EVPL: variants seen among roughly 807,000 people sequenced by gnomAD.
EVPL encodes envoplakin.
In EVPL, 94 loss-of-function variants were observed where a neutral mutation model predicts 129.7. The observed-to-expected ratio is 0.72, with a 90% CI of 0.61 to 0.86. The LOEUF is 0.86. EVPL is among the 40% of genes least tolerant of loss of function. The probability of loss-of-function intolerance (pLI) is 0.00; values close to 1 mark genes in which losing one functional copy is unlikely to be tolerated. For synonymous variants in EVPL, 1,172 were observed against 1,191.1 expected, an observed-to-expected ratio of 0.98 and a Z score of 0.33; for missense variants, 2,625 against 2,721.1, an observed-to-expected ratio of 0.96 and a Z score of 0.79.
rs1420257502 is a variant in EVPL at position 76,017,776 on chromosome 17, G to A, written c.1673C>T (p.Pro558Leu). The A allele has an allele frequency of 1.9e-6, 3 of 1,613,034 alleles. No homozygotes were observed. Among genetic ancestry groups the A allele is most frequent in the Admixed American group, 1.7e-5 (1 of 60,004 alleles). ...GATGCGGCCCTCCAAGTCCTCCAAG[G>A]GTGTGGGGCGGCTCAGCGGGGCCCG... ...WARAPLSRPT[P>L]LEDLEGRIHS... The change falls in exon 14 of 22, where the codon CCC (proline) becomes CTC (leucine). Residue 558 changes from proline (P) to leucine (L), a missense_variant. Pro to Leu is a moderately conservative substitution (Grantham distance 98). Transcript: ENST00000301607.
chr17:76,009,269 C>G lies in EVPL; in HGVS notation c.3936G>C (p.Thr1312=), dbSNP rs1271503909. The G allele has an allele frequency of 6.2e-7, 1 of 1,607,850 alleles. No homozygotes were observed. The highest frequency in any genetic ancestry group is 8.5e-7 in the Non-Finnish European group (1 of 1,179,926). Residue 1312 remains threonine, a synonymous_variant, in exon 22 of 22, where the codon ACG becomes ACC. Transcript: ENST00000301607. This position sits in a 1 kb window ranked among gnomAD's most constrained non-coding sequence, Gnocchi z 5.9. ...RRERAKVETK[T]VSKEVVRHEK... is the part of the protein sequence containing the mutation. The stretch of plus-strand genomic sequence containing the variant: ...CGTGGCGCACCACCTCCTTGCTCAC[C>G]GTCTTGGTCTCCACCTTGGCCCGCT...
At position 76,008,523 on chromosome 17, in the gene EVPL, C is replaced by T. The variant is rs146378151; in HGVS notation, c.4682G>A (p.Arg1561Gln). The change falls in exon 22 of 22, where the codon CGG (arginine) becomes CAG (glutamine). Residue 1561 changes from arginine to glutamine, a missense_variant. Coordinates refer to ENST00000301607, the MANE Select transcript of EVPL (RefSeq NM_001988.4). The surrounding 1 kb of genome is among the most constrained non-coding windows in gnomAD (Gnocchi z 7.4). ...QAREEEARRL[R>Q]ERIDRAETLG... ...CGTCTCGGCCCGGTCAATGCGCTCCCGCAGGCGCCGTGCCTCCTCCTCCCG... is the reference window on the plus strand; with the variant it reads ...CGTCTCGGCCCGGTCAATGCGCTCCTGCAGGCGCCGTGCCTCCTCCTCCCG... 3.0e-4 allele frequency: 474 copies of T among 1,606,166 alleles called. 1 individual carries two copies. In the African/African-American group the frequency reaches 5.5e-3, roughly 19 times the overall value.
At chr17:76,020,356 G>A (rs776606734) in intron 9 of EVPL, among the ~76,000 whole-genome samples, 3 of 152,052 alleles carry the variant, frequency 2.0e-5, no homozygotes, top group Non-Finnish European at 4.4e-5. Flanking sequence ...CTTGGTCTTC[G>A]TCCTTCCTGC....
chr17:76,020,660 T>C (rs367639273), intron 9 of EVPL, among the ~76,000 whole-genome samples: 1 of 152,012 alleles, frequency 6.6e-6, no homozygotes, highest in Non-Finnish European at 1.5e-5. Flanking sequence ...TTAAGAAATA[T>C]TTTATTTAAT....
rs375561600 is a variant in EVPL at position 76,007,119 on chromosome 17, G to A, written c.6086C>T (p.Pro2029Leu). The A allele has an allele frequency of 7.3e-5, 108 of 1,482,232 alleles. No homozygotes were observed. Among genetic ancestry groups the A allele is most frequent in the Non-Finnish European group, 9.1e-5 (102 of 1,116,158 alleles). The allele number at this position is 1,482,232 out of a possible 1,614,324, so 91.8% of individuals were successfully genotyped here. A position where few individuals can be genotyped will look rare whatever the true frequency, so the allele number is the denominator to read the frequency against. Residue 2029 changes from proline to leucine, a missense_variant, in exon 22 of 22, where the codon CCG (proline) becomes CTG (leucine). This residue lies in a region of EVPL where 1,453 missense variants were observed against 1,511.8 expected (regional missense o/e 0.96). Transcript: ENST00000301607. This position sits in a 1 kb window ranked among gnomAD's most constrained non-coding sequence, Gnocchi z 8.8. Reference protein sequence around the residue: ...RCYRSASPTVPRSLR With the variant: ...RCYRSASPTVLRSLR ...TGGCCCGTGTCAGCGAAGGGAGCGC[G>A]GGACGGTGGGGGAGGCGGAGCGGTA...
intron 9 of EVPL, among the ~76,000 whole-genome samples, chr17:76,020,026 C>G (rs2066446784): frequency 6.6e-6 from 1 of 151,972 alleles, no homozygotes; most frequent in Non-Finnish European, 1.5e-5. Context: ...CCAGCTAAAC[C>G]TAAACCAGCT....
rs746311254 is a variant in EVPL at position 76,021,742 on chromosome 17, C to T, written c.847G>A (p.Val283Met). 8 of 1,610,036 alleles carry T rather than the reference C, an allele frequency of 5.0e-6. No homozygotes were observed. The Admixed American group carries it at 6.7e-5, about 13-fold the overall frequency. ...QHELLSQEQS[V>M]NQLEDDGERM... Reference sequence around the variant, plus strand: ...TCGCCGTCGTCCTCCAGCTGGTTCACGCTCTGCTCCTGGCTCAGCAGCTCG... The same window carrying T: ...TCGCCGTCGTCCTCCAGCTGGTTCATGCTCTGCTCCTGGCTCAGCAGCTCG... Residue 283 changes from valine (V) to methionine (M), a missense_variant, in exon 8 of 22, where the codon GTG becomes ATG. Val to Met is a conservative substitution (Grantham distance 21). Transcript: ENST00000301607.
chr17:76,026,242 A>ATT lies in EVPL; in HGVS notation c.98+857_98+858dup, dbSNP rs61017516. Among the ~76,000 whole-genome samples, 238 of 130,194 alleles carry ATT rather than the reference A, an allele frequency of 1.8e-3. 1 individual carries two copies. The highest frequency in any genetic ancestry group is 6.7e-3 in the African/African-American group (229 of 33,944). 85.4% of individuals were successfully genotyped at this position (130,194 alleles called of 152,430 possible). On this transcript the variant is annotated intron_variant, in intron 1 of 21. Transcript: ENST00000301607. ...TGCAGGCGTGAGGTATTGCGCCAGG[A>ATT]TTTTTTTTTTTTTTTTTTTTAAGAC...
chr17:76,022,047 G>T lies in EVPL; in HGVS notation c.646-19C>A. ...CCGCCTTCTGTGCTCAGGACCCGCC[G>T]CCAGCAGCAGGGTGGGGAGACAGAA... On this transcript the variant is annotated intron_variant, in intron 6 of 21. Coordinates refer to ENST00000301607, the MANE Select transcript of EVPL (RefSeq NM_001988.4). This position sits in a 1 kb window ranked among gnomAD's most constrained non-coding sequence, Gnocchi z 5.6. The T allele has an allele frequency of 6.4e-7, 1 of 1,552,384 alleles. No homozygotes were observed. The highest frequency in any genetic ancestry group is 2.3e-5 in the East Asian group (1 of 43,358).
intron 14 of EVPL, among the ~76,000 whole-genome samples, chr17:76,015,851 C>T (rs1056438270): frequency 3.3e-5 from 5 of 152,112 alleles, no homozygotes; most frequent in African/African-American, 1.2e-4. Context: ...TACAAAATGA[C>T]TGATAGGAGG....
rs770291858 is a variant in EVPL, at chr17:76,015,613, G to A, written c.1726C>T (p.Leu576=). ...TCCTTCTCCGTTCCCAGGCTCTGCA[G>A]GCGCTGGGCTGTGCCCTAAAGAGGG... The part of the protein sequence containing the change: ...IHSHEGTAQR[L]QSLGTEKETA... The change falls in exon 15 of 22, where the codon CTG becomes TTG. Residue 576 remains leucine (L), a synonymous_variant. Coordinates refer to ENST00000301607, the MANE Select transcript of EVPL (RefSeq NM_001988.4). 1 of 1,613,156 alleles carries A rather than the reference G, an allele frequency of 6.2e-7. No homozygotes were observed. Among genetic ancestry groups the A allele is most frequent in the Non-Finnish European group, 8.5e-7 (1 of 1,179,816 alleles).
chr17:76,027,306 C>A lies in EVPL; in HGVS notation c.-108G>T. 1 of 808,118 alleles carries A rather than the reference C, an allele frequency of 1.2e-6. No homozygotes were observed. Among genetic ancestry groups the A allele is most frequent in the Non-Finnish European group, 2.1e-6 (1 of 474,936 alleles). 50.1% of individuals were successfully genotyped at this position (808,118 alleles called of 1,614,324 possible). ...TCACTGGCTGGTCAGCTAAGTCTGGCGAGGTGGGGCGGCTGGGCACTGGGG... is the reference window on the plus strand; with the variant it reads ...TCACTGGCTGGTCAGCTAAGTCTGGAGAGGTGGGGCGGCTGGGCACTGGGG... On this transcript the variant is annotated 5_prime_UTR_variant, in exon 1 of 22. Transcript: ENST00000301607.
chr17:76,023,191 C>A (rs114605003), intron 4 of EVPL, 101 bp downstream of exon 4: 77 of 1,562,456 alleles, frequency 4.9e-5, no homozygotes, highest in African/African-American at 4.0e-4. Flanking sequence ...CCCTGAGCCA[C>A]CCCTACACCC....
In EVPL at chr17:76,007,942, A is replaced by AG; in HGVS notation, c.5262dup (p.Cys1755LeufsTer6). ...TACTCCTCCTTAGAGATGCGCCGGC[A>AG]GCGGAGGGCGGCCTCGATGGAGTAC... On this transcript the variant is annotated frameshift_variant, in exon 22 of 22. Transcript: ENST00000301607. LOFTEE classifies it low-confidence loss of function (END_TRUNC). The surrounding 1 kb of genome is among the most constrained non-coding windows in gnomAD (Gnocchi z 8.8). The AG allele has an allele frequency of 6.2e-7, 1 of 1,614,106 alleles. No individual in the cohort carries two copies. The highest frequency in any genetic ancestry group is 8.5e-7 in the Non-Finnish European group (1 of 1,180,026).
chr17:76,026,838 G>C (rs1305864658), intron 1 of EVPL, among the ~76,000 whole-genome samples: 1 of 152,248 alleles, frequency 6.6e-6, no homozygotes, highest in Non-Finnish European at 1.5e-5. Flanking sequence ...GCCTCAATCC[G>C]TGGCCCTCAG....
Position 76,024,020 on chromosome 17 carries a change from C to T in EVPL, c.198+1G>A. 6.2e-7 allele frequency: 1 copy of T among 1,612,210 alleles called. No individual in the cohort carries two copies. Among genetic ancestry groups the T allele is most frequent in the South Asian group, 1.1e-5 (1 of 90,606 alleles). ...CCTGCCAACTGCTGCCGGGGCCTCA[C>T]CTGCTGCAGCCTCTTCTGCGTCTCC... On this transcript the variant is annotated splice_donor_variant, in intron 2 of 21. Coordinates refer to ENST00000301607, the MANE Select transcript of EVPL (RefSeq NM_001988.4). LOFTEE classifies it high-confidence loss of function. This position sits in a 1 kb window ranked among gnomAD's most constrained non-coding sequence, Gnocchi z 4.5.
In EVPL at chr17:76,011,581, C is replaced by T; in HGVS notation, c.2656G>A (p.Glu886Lys). 2 of 1,613,862 alleles carry T rather than the reference C, an allele frequency of 1.2e-6. No individual in the cohort carries two copies. The highest frequency in any genetic ancestry group is 1.7e-6 in the Non-Finnish European group (2 of 1,179,738). The change falls in exon 21 of 22, where the codon GAG (glutamate) becomes AAG (lysine). Residue 886 changes from glutamate to lysine, a missense_variant. Physicochemically the swap from Glu to Lys is moderately conservative, Grantham distance 56 (BLOSUM62 1). Coordinates refer to ENST00000301607, the MANE Select transcript of EVPL (RefSeq NM_001988.4). ...TGTAGGTGTTGTCTGTGTACCTTCT[C>T]CAGCATTTTTCTAGCAAACTCCAGC... ...QQLEFARKML[E>K]KKELSEDIRR...
Position 76,015,119 on chromosome 17 carries a change from G to A in EVPL, c.2029-10C>T. Reference sequence around the variant, plus strand: ...GCTCCCTCCGCTGGCGCTGCAGGAGGAGGGGACGCAGCCGTGCACCCTCGT... The same window carrying A: ...GCTCCCTCCGCTGGCGCTGCAGGAGAAGGGGACGCAGCCGTGCACCCTCGT... On this transcript the variant is annotated splice_polypyrimidine_tract_variant and intron_variant, in intron 16 of 21. Coordinates refer to ENST00000301607, the MANE Select transcript of EVPL (RefSeq NM_001988.4). 4 of 1,571,406 alleles carry A rather than the reference G, an allele frequency of 2.5e-6. No homozygotes were observed. The highest frequency in any genetic ancestry group is 1.1e-5 in the South Asian group (1 of 90,208).
At position 76,015,513 on chromosome 17, in the gene EVPL, G is replaced by T; in HGVS notation, c.1826C>A (p.Ala609Asp). Residue 609 changes from alanine to aspartate, a missense_variant, in exon 15 of 22, where the codon GCC becomes GAC. Ala to Asp is a moderately radical substitution (Grantham distance 126). This residue lies in a region of EVPL where 1,024 missense variants were observed against 997.5 expected (regional missense o/e 1.03). Transcript: ENST00000301607. ...GAACTTGTTCTTCACGCTGTTGAGG[G>T]CTACGGGCAGCTGCAGGGCAGCGGG... ...VGPAALQLPV[A>D]LNSVKNKFSD... The T allele has an allele frequency of 1.9e-6, 3 of 1,612,878 alleles. No homozygotes were observed. The highest frequency in any genetic ancestry group is 2.5e-6 in the Non-Finnish European group (3 of 1,180,006).
Sources: allele counts gnomAD v4.1 joint callset (sites outside exome capture counted in the v4.1 genomes callset), GRCh38; gene constraint gnomAD v4.1.1; regional missense constraint gnomAD v4.1.1; non-coding constraint Gnocchi (gnomAD v3.1); transcripts MANE v1.5; gene names NCBI Gene and HGNC (gene_info 2026-07-23, HGNC 2026-07-21).